The following USP10 variants were observed in gnomAD, a reference collection of about 807,000 sequenced individuals.
USP10 encodes the protein ubiquitin carboxyl-terminal hydrolase 10.
A neutral mutation model predicts 84.5 loss-of-function variants in USP10; 22 were observed. The observed-to-expected ratio is 0.26, with a 90% CI of 0.19 to 0.37. The LOEUF (loss-of-function observed/expected upper bound fraction) is 0.37, where lower values mean the gene tolerates loss of function less well. Among genes scored for constraint, USP10 ranks in the 10% least tolerant of loss-of-function variants. USP10 has a pLI of 1.00. For missense variants in USP10, 1,019 were observed against 998.9 expected, an observed-to-expected ratio of 1.02 and a Z score of -0.27; for synonymous variants, 454 against 387.6, an observed-to-expected ratio of 1.17 and a Z score of -2.01.
At chr16:84,738,450 G>A (rs1022004925) in intron 2 of USP10, among the ~76,000 whole-genome samples, 5 of 152,240 alleles carry the variant, frequency 3.3e-5, no homozygotes, top group African/African-American at 9.6e-5. Flanking sequence ...ACCACAGAGG[G>A]TTTTGAACGA....
chr16:84,709,390 C>T (rs1041584783), intron 1 of USP10: 2 of 152,262 alleles, frequency 1.3e-5, no homozygotes, highest in African/African-American at 4.8e-5. Flanking sequence ...GTCTTGGGCA[C>T]AGAGCTGGAG....
intron 10 of USP10, among the ~76,000 whole-genome samples, chr16:84,764,939 A>AAATATAT (rs370383030): frequency 2.3e-4 from 31 of 132,266 alleles, no homozygotes; most frequent in African/African-American, 7.0e-4. Context: ...GAGAAAAAAA[A>AAATATAT]ATATATATAT....
intron 1 of USP10, among the ~76,000 whole-genome samples, chr16:84,722,461 G>A (rs367994867): frequency 6.6e-6 from 1 of 152,204 alleles, no homozygotes; most frequent in Non-Finnish European, 1.5e-5. Context: ...ATTCTATTCT[G>A]TAAGAAACTG....
At position 84,745,497 on chromosome 16, in the gene USP10, C is replaced by A; in HGVS notation, c.1016C>A (p.Pro339His). 6.2e-7 allele frequency: 1 copy of A among 1,613,444 alleles called. No homozygotes were observed. The highest frequency in any genetic ancestry group is 8.5e-7 in the Non-Finnish European group (1 of 1,179,656). Residue 339 changes from proline to histidine, a missense_variant, in exon 4 of 14, where the codon CCC becomes CAC. By Grantham distance (77) the Pro-to-His change is moderately conservative. This residue lies in a region of USP10 where 787 missense variants were observed against 708.8 expected (regional missense o/e 1.11). Transcript: ENST00000219473. ...SASGTLPVSQ[P>H]KSWASLFHDS... ...TCAGGCACCCTTCCTGTCAGCCAGC[C>A]CAAGTCCTGGGCCAGCCTCTTTCAT...
chr16:84,734,773 T>G (rs940745789), intron 2 of USP10, among the ~76,000 whole-genome samples: 3 of 152,234 alleles, frequency 2.0e-5, no homozygotes, highest in Non-Finnish European at 2.9e-5. Context: ...CAGATTTTGT[T>G]TTCACGCTTC....
intron 1 of USP10, chr16:84,733,034 G>A (rs951386201): frequency 1.1e-5 from 5 of 448,604 alleles, no homozygotes; most frequent in African/African-American, 6.0e-5. Context: ...TTTGAACCAC[G>A]TTTTCTGCTT....
intron 3 of USP10, among the ~76,000 whole-genome samples, chr16:84,742,829 T>G (rs1160740416): frequency 6.6e-6 from 1 of 152,216 alleles, no homozygotes; most frequent in African/African-American, 2.4e-5. Context: ...TGATACTAAT[T>G]ATAACATACT....
Position 84,740,329 on chromosome 16 carries a change from A to G in USP10, c.111A>G (p.Thr37=). ...SSVELPPYSG[T]VLCGTQAVDK... is the part of the protein sequence containing the mutation. The stretch of plus-strand genomic sequence containing the variant: ...TGCAGCTTCCTCCATACAGTGGAAC[A>G]GTTCTGTGTGGCACACAGGCTGTGG... The change falls in exon 3 of 14, where the codon ACA becomes ACG. Residue 37 remains threonine, a synonymous_variant. Transcript: ENST00000219473. 1 of 1,612,896 alleles carries G rather than the reference A, an allele frequency of 6.2e-7. No homozygotes were observed. The highest frequency in any genetic ancestry group is 8.5e-7 in the Non-Finnish European group (1 of 1,179,240).
chr16:84,716,533 C>T (rs1477964009), intron 1 of USP10: 3 of 152,138 alleles, frequency 2.0e-5, no homozygotes, highest in African/African-American at 7.2e-5. Flanking sequence ...ATGAGAATTA[C>T]TATGAAATAT....
chr16:84,749,537 C>T (rs571916210), intron 4 of USP10, among the ~76,000 whole-genome samples: 6 of 150,656 alleles, frequency 4.0e-5, no homozygotes, highest in African/African-American at 9.8e-5. Flanking sequence ...CCCGGGAGTT[C>T]GAGGCCAGCC....
intron 4 of USP10, among the ~76,000 whole-genome samples, chr16:84,749,600 C>T (rs1179838377): frequency 3.3e-5 from 5 of 151,806 alleles, no homozygotes; most frequent in Non-Finnish European, 5.9e-5. Flanking sequence ...TATACACACA[C>T]AAAATGCTTG....
At chr16:84,744,283 C>T (rs1197096387) in intron 3 of USP10, among the ~76,000 whole-genome samples, 2 of 152,094 alleles carry the variant, frequency 1.3e-5, no homozygotes, top group South Asian at 2.1e-4. Flanking sequence ...ATTCCTTTAT[C>T]TCAGGCATAA....
chr16:84,740,860 C>A (rs368734058), intron 3 of USP10, among the ~76,000 whole-genome samples: 3 of 152,196 alleles, frequency 2.0e-5, no homozygotes, highest in African/African-American at 7.2e-5. Flanking sequence ...TGGTCTGTTA[C>A]TTTTTTGGGT....
chr16:84,734,441 C>G (rs1909635672), intron 2 of USP10, among the ~76,000 whole-genome samples: 1 of 152,154 alleles, frequency 6.6e-6, no homozygotes, highest in Non-Finnish European at 1.5e-5. Flanking sequence ...CTGTGAATTA[C>G]TTGGTTTATA....
At chr16:84,742,450 T>C (rs1181068281) in intron 3 of USP10, among the ~76,000 whole-genome samples, 1 of 152,216 alleles carries the variant, frequency 6.6e-6, no homozygotes, top group Admixed American at 6.5e-5. Flanking sequence ...AGCAGGGCCC[T>C]TGTGTCACTA....
chr16:84,751,852 C>G (rs1911973762), intron 4 of USP10, among the ~76,000 whole-genome samples: 1 of 152,042 alleles, frequency 6.6e-6, no homozygotes, highest in South Asian at 2.1e-4. Context: ...TAATATGACC[C>G]CTAAGTCCTA....
intron 1 of USP10, among the ~76,000 whole-genome samples, chr16:84,728,376 G>A (rs565162139): frequency 7.5e-4 from 110 of 146,606 alleles, no homozygotes; most frequent in Non-Finnish European, 1.4e-3. Context: ...TTTTCTCGCT[G>A]TTGCCCAGGC....
chr16:84,775,380 C>T (rs940900896), intron 13 of USP10, among the ~76,000 whole-genome samples, 155 bp downstream of exon 13: 1 of 152,148 alleles, frequency 6.6e-6, no homozygotes, highest in African/African-American at 2.4e-5. Flanking sequence ...GAGAGTTTTA[C>T]CTGAAACTCT....
At chr16:84,746,119 T>C (rs928677731) in intron 4 of USP10, among the ~76,000 whole-genome samples, 1 of 151,424 alleles carries the variant, frequency 6.6e-6, no homozygotes, top group Non-Finnish European at 1.5e-5. Flanking sequence ...ATTGAGTAAA[T>C]GGATTTTATT....
Sources: allele counts gnomAD v4.1 joint callset (sites outside exome capture counted in the v4.1 genomes callset), GRCh38; gene constraint gnomAD v4.1.1; regional missense constraint gnomAD v4.1.1; transcripts MANE v1.5; gene names NCBI Gene and HGNC (gene_info 2026-07-23, HGNC 2026-07-21).